The following AGAP1 variants were observed in gnomAD, a reference collection of about 807,000 sequenced individuals.
The protein encoded by AGAP1 is ArfGAP with GTPase domain, ankyrin repeat and PH domain 1, also known as arf-GAP with GTPase, ANK repeat and PH domain-containing protein 1.
Under a neutral mutation model 105.3 loss-of-function variants are expected in AGAP1, and 29 were observed. The observed-to-expected ratio is 0.28, with a 90% CI of 0.21 to 0.38. The LOEUF is 0.38. Ranked by LOEUF, AGAP1 falls within the 10% of genes least tolerant of loss-of-function variation. AGAP1 has a pLI of 1.00. For synonymous variants in AGAP1, 509 were observed against 485.9 expected (o/e 1.05, Z -0.63); for missense variants, 998 against 1,165.1 (o/e 0.86, Z 2.09).
At chr2:235,567,126 C>T (rs922662941) in intron 1 of AGAP1, among the ~76,000 whole-genome samples, 1 of 152,218 alleles carries the variant, frequency 6.6e-6, no homozygotes, top group Non-Finnish European at 1.5e-5. Context: ...ACAGGTCTGT[C>T]CCCCTAAAGG....
chr2:235,978,997 ATC>A (rs2054975555), intron 13 of AGAP1, among the ~76,000 whole-genome samples: 1 of 152,098 alleles, frequency 6.6e-6, no homozygotes, highest in African/African-American at 2.4e-5. Context: ...ATAAGGGGAC[ATC>A]TCTCTTGAAA....
intron 1 of AGAP1, among the ~76,000 whole-genome samples, chr2:235,499,855 T>C (rs185997773): frequency 4.6e-5 from 7 of 152,286 alleles, no homozygotes; most frequent in Admixed American, 2.6e-4. Context: ...AGTGGTTTGA[T>C]AGATCACGTC....
In AGAP1 at chr2:236,123,834, A is replaced by G. The variant is rs2059958554; in HGVS notation, c.2371-85A>G. On this transcript the variant is annotated intron_variant, in intron 17 of 17. Coordinates refer to ENST00000304032, the MANE Select transcript of AGAP1 (RefSeq NM_001037131.3). The surrounding 1 kb of genome is among the most constrained non-coding windows in gnomAD (Gnocchi z 4.6). The stretch of plus-strand genomic sequence containing the variant: ...GCCCCGCTGTCCAAGCACAAGCCAC[A>G]TGCAAGGGCTGAGAGAAAGCTTCCC... The G allele has an allele frequency of 1.3e-6, 2 of 1,533,520 alleles. No individual in the cohort carries two copies. The highest frequency in any genetic ancestry group is 1.4e-5 in the African/African-American group (1 of 73,324). 95.0% of individuals were successfully genotyped at this position (1,533,520 alleles called of 1,614,324 possible).
rs548327549 is a variant in AGAP1, at chr2:235,966,159, G to A, written c.1484-2303G>A. Among the ~76,000 whole-genome samples the A allele has an allele frequency of 4.5e-5, 6 of 133,392 alleles. No individual in the cohort carries two copies. The East Asian group carries it at 9.6e-4, about 21-fold the overall frequency. The allele number at this position is 133,392 out of a possible 152,430, so 87.5% of individuals were successfully genotyped here. A position where few individuals can be genotyped will look rare whatever the true frequency, so the allele number is the denominator to read the frequency against. On this transcript the variant is annotated intron_variant, in intron 12 of 17. Transcript: ENST00000304032. ...CTGGGGATGGAGGAGAGGGGAGCTC[G>A]TTCCTCTGGGGATGGAGGAGAGGGG...
intron 1 of AGAP1, among the ~76,000 whole-genome samples, chr2:235,703,563 T>G (rs1950366327): frequency 1.1e-5 from 1 of 94,830 alleles, no homozygotes. Context: ...TCCCCCTCCT[T>G]CCCCTCCCCC....
intron 1 of AGAP1, among the ~76,000 whole-genome samples, chr2:235,562,548 C>G (rs772185450): frequency 6.7e-6 from 1 of 148,874 alleles, no homozygotes. Flanking sequence ...CTCTCCTTTC[C>G]GCTGCCCCAT....
At chr2:235,695,450 C>T (rs889351704) in intron 1 of AGAP1, among the ~76,000 whole-genome samples, 2 of 152,162 alleles carry the variant, frequency 1.3e-5, no homozygotes, top group Non-Finnish European at 2.9e-5. Context: ...GCTTCCTTCA[C>T]GGGTGTTTAT....
chr2:235,536,972 G>A (rs13403973), intron 1 of AGAP1, among the ~76,000 whole-genome samples: 3,611 of 152,180 alleles, frequency 0.024, 154 homozygotes, highest in African/African-American at 0.081. Flanking sequence ...CAACTCCTCC[G>A]TGAGTCCATC....
In AGAP1 at chr2:235,963,430, T is replaced by C. The variant is rs796955841; in HGVS notation, c.1484-5032T>C. Among the ~76,000 whole-genome samples the C allele has an allele frequency of 5.9e-5, 9 of 152,280 alleles. 1 individual carries two copies. The highest frequency in any genetic ancestry group is 1.9e-4 in the African/African-American group (8 of 41,558). Reference sequence around the variant, plus strand: ...GCACATAGAAAAGGAAACAGATGTATTTGAACAGAGGTAGTTTATTAAAGA... The same window carrying C: ...GCACATAGAAAAGGAAACAGATGTACTTGAACAGAGGTAGTTTATTAAAGA... On this transcript the variant is annotated intron_variant, in intron 12 of 17. Transcript: ENST00000304032. This position sits in a 1 kb window ranked among gnomAD's most constrained non-coding sequence, Gnocchi z 5.1.
In AGAP1 at chr2:235,833,555, A is replaced by G. The variant is rs570676981; in HGVS notation, c.1050+26224A>G. On this transcript the variant is annotated intron_variant, in intron 9 of 17. Transcript: ENST00000304032. ...CCTCATCACCCCGCCCCCTCCTCAG[A>G]GTGCTTGCTAATGTCACTCTGGATC... Among the ~76,000 whole-genome samples, 83 of 150,970 alleles carry G rather than the reference A, an allele frequency of 5.5e-4. 1 individual carries two copies. The highest frequency in any genetic ancestry group is 3.4e-3 in the Middle Eastern group (1 of 292).
chr2:235,928,920 C>G lies in AGAP1; in HGVS notation c.1325-1845C>G, dbSNP rs552553733. The stretch of plus-strand genomic sequence containing the variant: ...CCCACCTCCCCCGGCTGCTGTGAGG[C>G]CTGGTGCAAGAGCAAGCATGGGAGC... On this transcript the variant is annotated intron_variant, in intron 11 of 17. Transcript: ENST00000304032. 3.9e-5 allele frequency among the ~76,000 whole-genome samples: 6 copies of G among 152,326 alleles called. No homozygotes were observed. In the South Asian group the frequency reaches 6.2e-4, roughly 16 times the overall value.
intron 13 of AGAP1, among the ~76,000 whole-genome samples, chr2:235,990,370 G>A (rs1163566009): frequency 1.3e-5 from 2 of 152,186 alleles, no homozygotes; most frequent in Non-Finnish European, 2.9e-5. Flanking sequence ...TAGAATGGGT[G>A]CAGCTAGGAA....
At chr2:235,827,118 C>T (rs1959114571) in intron 9 of AGAP1, among the ~76,000 whole-genome samples, 1 of 152,174 alleles carries the variant, frequency 6.6e-6, no homozygotes, top group African/African-American at 2.4e-5. Flanking sequence ...AAATACATCC[C>T]CTTCAAGATG....
chr2:235,605,452 C>T (rs994567173), intron 1 of AGAP1, among the ~76,000 whole-genome samples: 2 of 152,212 alleles, frequency 1.3e-5, no homozygotes, highest in Non-Finnish European at 2.9e-5. Flanking sequence ...TTTCACCAGA[C>T]GACGCCGGCC....
intron 1 of AGAP1, among the ~76,000 whole-genome samples, chr2:235,648,821 A>G (rs1947482531): frequency 1.3e-5 from 2 of 151,166 alleles, no homozygotes; most frequent in South Asian, 4.2e-4. Flanking sequence ...TGGGAGGCGG[A>G]GGTTGCAGTG....
chr2:236,068,516 C>CTAAAAACTGAAGGATA (rs1310817780), intron 16 of AGAP1, among the ~76,000 whole-genome samples: 21 of 151,906 alleles, frequency 1.4e-4, no homozygotes, highest in African/African-American at 5.1e-4. Flanking sequence ...AACATTTATC[C>CTAAAAACTGAAGGATA]TAGGCCGGGC....
rs942166237 is a variant in AGAP1, at chr2:235,872,985, A to G, written c.1051-10360A>G. ...CCCACTGGCTCAGTGCAGCTCTGGA[A>G]TTAGGAACCAGCCGTGCCCCAGGAG... On this transcript the variant is annotated intron_variant, in intron 9 of 17. Transcript: ENST00000304032. The surrounding 1 kb of genome is among the most constrained non-coding windows in gnomAD (Gnocchi z 4.5). Among the ~76,000 whole-genome samples, 19 of 152,316 alleles carry G rather than the reference A, an allele frequency of 1.2e-4. No homozygotes were observed. Among genetic ancestry groups the G allele is most frequent in the African/African-American group, 4.6e-4 (19 of 41,578 alleles).
chr2:235,537,457 TGAGGATGTGG>T (rs1943277304), intron 1 of AGAP1, among the ~76,000 whole-genome samples: 1 of 151,996 alleles, frequency 6.6e-6, no homozygotes, highest in Admixed American at 6.6e-5. Flanking sequence ...TGGGGAGTCA[TGAGGATGTGG>T]GAGGATGGGG....
intron 1 of AGAP1, among the ~76,000 whole-genome samples, chr2:235,607,775 G>A (rs922181865): frequency 9.2e-5 from 14 of 152,322 alleles, no homozygotes; most frequent in Admixed American, 5.9e-4. Context: ...GCAGCGGGGC[G>A]CGAGACTGCT....
Sources: gnomAD v4.1 joint callset for allele counts (sites outside exome capture counted in the v4.1 genomes callset) on GRCh38, gnomAD v4.1.1 for gene constraint, Gnocchi (gnomAD v3.1) non-coding constraint, MANE v1.5 for transcripts, NCBI Gene and HGNC (gene_info 2026-07-23, HGNC 2026-07-21) for gene names.